Variants in STK38L observed in about 807,000 individuals in gnomAD.
STK38L encodes serine/threonine-protein kinase 38-like.
In STK38L, 28 loss-of-function variants were observed where a neutral mutation model predicts 59.7. The ratio of observed to expected loss-of-function variants is 0.47; its 90% confidence interval spans 0.35 to 0.64. STK38L has a LOEUF of 0.64. STK38L is among the 30% of genes least tolerant of loss of function. The pLI is 0.01. For synonymous variants in STK38L, 162 were observed against 176.8 expected (o/e 0.92, Z 0.66); for missense variants, 314 against 555.8 (o/e 0.56, Z 4.37).
chr12:27,305,907 A>T (rs925656946), intron 3 of STK38L, among the ~76,000 whole-genome samples: 1 of 152,186 alleles, frequency 6.6e-6, no homozygotes, highest in African/African-American at 2.4e-5. Context: ...TACCACAAGG[A>T]TACTGTTTGT....
At chr12:27,257,014 C>G (rs904031786) in intron 1 of STK38L, among the ~76,000 whole-genome samples, 1 of 152,166 alleles carries the variant, frequency 6.6e-6, no homozygotes, top group Admixed American at 6.5e-5. Context: ...CCTCACTTAC[C>G]TAGGTCGTTA....
At chr12:27,315,253 T>C (rs1944558903) in intron 8 of STK38L, 36 bp from the exon 9 acceptor site, 1 of 1,609,726 alleles carries the variant, frequency 6.2e-7, no homozygotes, top group African/African-American at 1.3e-5. Flanking sequence ...AGAGCATTTT[T>C]CCCTCGTGAT....
intron 2 of STK38L, among the ~76,000 whole-genome samples, chr12:27,300,332 A>G (rs140439459): frequency 6.6e-6 from 1 of 152,352 alleles, no homozygotes; most frequent in East Asian, 1.9e-4. Flanking sequence ...ACTATTTTTA[A>G]AAAAGGTACA....
At chr12:27,252,168 A>G (rs1215616358) in intron 1 of STK38L, among the ~76,000 whole-genome samples, 1 of 152,144 alleles carries the variant, frequency 6.6e-6, no homozygotes, top group Non-Finnish European at 1.5e-5. Flanking sequence ...TTTAGTAGAG[A>G]TGGGGTTTCA....
At chr12:27,263,246 A>T (rs1369371231) in intron 1 of STK38L, among the ~76,000 whole-genome samples, 3 of 152,234 alleles carry the variant, frequency 2.0e-5, no homozygotes, top group Admixed American at 6.5e-5. Flanking sequence ...ATTTCTTATC[A>T]GTTGGCAGTT....
chr12:27,259,099 A>C (rs1051024029), intron 1 of STK38L, among the ~76,000 whole-genome samples: 1 of 152,178 alleles, frequency 6.6e-6, no homozygotes, highest in East Asian at 1.9e-4. Flanking sequence ...CTGAACCTAC[A>C]CTGATTCTCA....
At chr12:27,255,256 A>C (rs191708985) in intron 1 of STK38L, among the ~76,000 whole-genome samples, 387 of 152,360 alleles carry the variant, frequency 2.5e-3, no homozygotes, top group Non-Finnish European at 4.0e-3. Flanking sequence ...CATACTAACC[A>C]AGAGTGTAAC....
At chr12:27,305,560 T>C (rs959700718) in intron 3 of STK38L, among the ~76,000 whole-genome samples, 7 of 152,146 alleles carry the variant, frequency 4.6e-5, no homozygotes, top group Non-Finnish European at 1.0e-4. Flanking sequence ...ATGGGGTGGG[T>C]TTGATAAAAA....
rs755198449 is a variant in STK38L at position 27,297,741 on chromosome 12, TACA to T, written c.27_29del (p.Thr10del). The T allele has an allele frequency of 2.5e-6, 4 of 1,613,990 alleles. No individual in the cohort carries two copies. The highest frequency in any genetic ancestry group is 2.5e-6 in the Non-Finnish European group (3 of 1,179,920). On this transcript the variant is annotated inframe_deletion, in exon 2 of 14. Transcript: ENST00000389032. The stretch of plus-strand genomic sequence containing the variant: ...TTACTATGGCAATGACGGCAGGGAC[TACA>T]ACAACCTTTCCTATGAGCAACCATA...
intron 1 of STK38L, chr12:27,296,963 C>T (rs1214522927): frequency 6.6e-6 from 1 of 152,240 alleles, no homozygotes; most frequent in African/African-American, 2.4e-5. Flanking sequence ...CCACTTAAGG[C>T]CACAAAGCTT....
rs759876713 is a variant in STK38L, at chr12:27,309,483, T to G, written c.393+286T>G. On this transcript the variant is annotated intron_variant, in intron 5 of 13. Transcript: ENST00000389032. ...GGAGGCTACAAGTCAAAAATGAAAG[T>G]TTGGGCAGGTTTTGGTTTCTGGTGA... is the stretch of plus-strand genomic sequence containing the variant. 1.2e-4 allele frequency among the ~76,000 whole-genome samples: 19 copies of G among 152,112 alleles called. 1 individual carries two copies. Among genetic ancestry groups the G allele is most frequent in the Non-Finnish European group, 2.4e-4 (16 of 68,012 alleles).
At chr12:27,247,088 G>C (rs911325979) in intron 1 of STK38L, among the ~76,000 whole-genome samples, 1 of 152,240 alleles carries the variant, frequency 6.6e-6, no homozygotes, top group South Asian at 2.1e-4. Context: ...GATGATTTAA[G>C]TGATCTAGTC....
At chr12:27,283,199 A>G (rs903495234) in intron 1 of STK38L, among the ~76,000 whole-genome samples, 1 of 152,190 alleles carries the variant, frequency 6.6e-6, no homozygotes, top group Non-Finnish European at 1.5e-5. Flanking sequence ...ACAATAGCTT[A>G]TTTGTATTAA....
At chr12:27,318,856 T>C (rs1181449416) in intron 11 of STK38L, among the ~76,000 whole-genome samples, 2 of 152,086 alleles carry the variant, frequency 1.3e-5, no homozygotes, top group Admixed American at 6.5e-5. Flanking sequence ...CCGGGCGAGG[T>C]GGCGGGCGCC....
At chr12:27,292,248 C>T (rs1043025888) in intron 1 of STK38L, among the ~76,000 whole-genome samples, 6 of 152,194 alleles carry the variant, frequency 3.9e-5, no homozygotes, top group African/African-American at 1.4e-4. Flanking sequence ...TCATCTAGAC[C>T]ATTCTTTGTA....
rs916872661 is a variant in STK38L at position 27,322,470 on chromosome 12, C to G, written c.*15C>G. ...GGAAGTTATGAATGAAGATAACATT[C>G]ACCCATAACCAAGAGAACTCAGGTA... On this transcript the variant is annotated 3_prime_UTR_variant, in exon 14 of 14. Transcript: ENST00000389032. 6.2e-7 allele frequency: 1 copy of G among 1,606,908 alleles called. No individual in the cohort carries two copies. Among genetic ancestry groups the G allele is most frequent in the Non-Finnish European group, 8.5e-7 (1 of 1,178,028 alleles).
intron 1 of STK38L, chr12:27,297,179 T>C (rs1223185307): frequency 6.6e-6 from 1 of 152,626 alleles, no homozygotes; most frequent in Non-Finnish European, 1.5e-5. Context: ...CTAAAAGTAG[T>C]TTCCCCCTAC....
At chr12:27,259,164 C>T (rs1367487084) in intron 1 of STK38L, among the ~76,000 whole-genome samples, 1 of 152,182 alleles carries the variant, frequency 6.6e-6, no homozygotes, top group African/African-American at 2.4e-5. Flanking sequence ...CTAGGATTTT[C>T]TTCCGGCTGA....
intron 1 of STK38L, among the ~76,000 whole-genome samples, chr12:27,273,249 T>C (rs1235144138): frequency 1.3e-5 from 2 of 152,134 alleles, no homozygotes; most frequent in East Asian, 1.9e-4. Flanking sequence ...GGAGGCAGAA[T>C]GGGAGGGGTC....
Sources: allele counts gnomAD v4.1 joint callset (sites outside exome capture counted in the v4.1 genomes callset), GRCh38; gene constraint gnomAD v4.1.1; transcripts MANE v1.5; gene names NCBI Gene and HGNC (gene_info 2026-07-23, HGNC 2026-07-21).